The following EHMT1 variants were observed in gnomAD, a reference collection of about 807,000 sequenced individuals.
EHMT1 encodes the protein histone-lysine N-methyltransferase EHMT1.
In EHMT1, 15 loss-of-function variants were observed where a neutral mutation model predicts 147.2. That is an observed-to-expected ratio of 0.10 (90% CI 0.07 to 0.16). The LOEUF is 0.16. Among genes scored for constraint, EHMT1 ranks in the 10% least tolerant of loss-of-function variants. The probability of loss-of-function intolerance (pLI) is 1.00; values close to 1 mark genes in which losing one functional copy is unlikely to be tolerated. For synonymous variants in EHMT1, 795 were observed against 709.6 expected (o/e 1.12, Z -1.91); for missense variants, 1,587 against 1,772.4 (o/e 0.90, Z 1.88).
chr9:137,818,184 TA>T, intron 25 of EHMT1, 46 bp downstream of exon 25: 1 of 1,595,842 alleles, frequency 6.3e-7, no homozygotes, highest in Non-Finnish European at 8.6e-7. Context: ...TTGTGAACTG[TA>T]AAACCTGAAT....
intron 1 of EHMT1, among the ~76,000 whole-genome samples, chr9:137,675,930 C>A (rs1160908808): frequency 3.3e-5 from 5 of 150,164 alleles, no homozygotes; most frequent in African/African-American, 1.2e-4. Flanking sequence ...ACTACAGGCG[C>A]CCGCCACTAC....
At chr9:137,707,254 G>A (rs1944346807) in intron 1 of EHMT1, among the ~76,000 whole-genome samples, 1 of 152,220 alleles carries the variant, frequency 6.6e-6, no homozygotes, top group African/African-American at 2.4e-5. Context: ...GCCAGCCTGT[G>A]GTGCTTCAGC....
rs377070695 is a variant in EHMT1, at chr9:137,800,977, G to A, written c.2705G>A (p.Arg902Gln). 5.0e-5 allele frequency: 80 copies of A among 1,613,978 alleles called. No individual in the cohort carries two copies. In the African/African-American group the frequency reaches 8.4e-4, roughly 17 times the overall value. ...TCCAAGGGCTCTGACATCAACATCCGAGACAACGTAAGTTCGTCACACCCT... is the reference window on the plus strand; with the variant it reads ...TCCAAGGGCTCTGACATCAACATCCAAGACAACGTAAGTTCGTCACACCCT... ...LLSKGSDINI[R>Q]DNEENICLHW... Residue 902 changes from arginine to glutamine, a missense_variant, in exon 18 of 27, where the codon CGA becomes CAA. This residue lies in a region of EHMT1 where 201 missense variants were observed against 350.1 expected (regional missense o/e 0.57). Transcript: ENST00000460843.
intron 8 of EHMT1, 68 bp from the exon 9 acceptor site, chr9:137,757,812 C>T (rs1949494092): frequency 8.1e-6 from 13 of 1,608,394 alleles, no homozygotes; most frequent in Non-Finnish European, 1.0e-5. Context: ...GCCTTGCTGC[C>T]CTGTGCGTCT....
At chr9:137,668,754 T>C (rs1425698309) in intron 1 of EHMT1, among the ~76,000 whole-genome samples, 3 of 152,136 alleles carry the variant, frequency 2.0e-5, no homozygotes, top group Non-Finnish European at 2.9e-5. Context: ...TTGCTGTTAA[T>C]GGACAGTGCT....
rs1005705947 is a variant in EHMT1 at position 137,782,698 on chromosome 9, G to A, written c.2382+301G>A. 6.6e-6 allele frequency among the ~76,000 whole-genome samples: 1 copy of A among 152,168 alleles called. No homozygotes were observed. The highest frequency in any genetic ancestry group is 1.5e-5 in the Non-Finnish European group (1 of 68,024). The stretch of plus-strand genomic sequence containing the variant: ...CATGACGTCCCTCTGGGGGAGCCAA[G>A]CACTCGCAGAGGCACGGACGCCCCT... On this transcript the variant is annotated intron_variant, in intron 15 of 26. Coordinates refer to ENST00000460843, the MANE Select transcript of EHMT1 (RefSeq NM_024757.5). This position sits in a 1 kb window ranked among gnomAD's most constrained non-coding sequence, Gnocchi z 5.7.
chr9:137,802,899 G>T, intron 18 of EHMT1: 1 of 1,232,524 alleles, frequency 8.1e-7, no homozygotes, highest in East Asian at 3.1e-5. Flanking sequence ...CCGGCAGAAG[G>T]AAGAGAAGAG....
chr9:137,698,077 G>T (rs1487464732), intron 1 of EHMT1, among the ~76,000 whole-genome samples: 3 of 152,200 alleles, frequency 2.0e-5, no homozygotes, highest in Non-Finnish European at 4.4e-5. Context: ...GCTCGCGGAG[G>T]CCTCACTCCC....
chr9:137,688,787 G>A (rs978769031), intron 1 of EHMT1, among the ~76,000 whole-genome samples: 2 of 152,152 alleles, frequency 1.3e-5, no homozygotes, highest in East Asian at 1.9e-4. Context: ...CGTTCTCCTC[G>A]GTTGGTGTCA....
chr9:137,746,519 C>G (rs541833563), intron 6 of EHMT1: 72 of 152,338 alleles, frequency 4.7e-4, no homozygotes, highest in African/African-American at 1.6e-3. Flanking sequence ...AAACCTTTCT[C>G]ACTGTTGATT....
Position 137,689,763 on chromosome 9 carries a change from C to T in EHMT1, c.22-21204C>T, listed in dbSNP as rs534489445. 2.6e-5 allele frequency among the ~76,000 whole-genome samples: 4 copies of T among 152,274 alleles called. No individual in the cohort carries two copies. In the East Asian group the frequency reaches 7.7e-4, roughly 29 times the overall value. ...CATTTTTTTGGGTACCTGCGATTGT[C>T]ATTTGATGTGTGAATAAAGAGCTAA... On this transcript the variant is annotated intron_variant, in intron 1 of 26. Transcript: ENST00000460843.
chr9:137,778,203 G>C, intron 13 of EHMT1, 148 bp downstream of exon 13: 1 of 1,180,558 alleles, frequency 8.5e-7, no homozygotes, highest in Non-Finnish European at 1.2e-6. Flanking sequence ...ACACTATTTT[G>C]GGAAATTATT....
chr9:137,718,865 C>G (rs897460321), intron 3 of EHMT1, among the ~76,000 whole-genome samples: 1 of 151,284 alleles, frequency 6.6e-6, no homozygotes, highest in African/African-American at 2.4e-5. Flanking sequence ...AAGTGATTCT[C>G]ATGCTTCAGC....
chr9:137,784,155 T>G, intron 15 of EHMT1: 1 of 1,550,898 alleles, frequency 6.4e-7, no homozygotes, highest in Non-Finnish European at 8.7e-7. Flanking sequence ...TGGTGACTTA[T>G]GGTGAGGACC....
intron 22 of EHMT1, 101 bp downstream of exon 22, chr9:137,814,609 G>C: frequency 1.4e-6 from 2 of 1,382,984 alleles, no homozygotes; most frequent in Non-Finnish European, 2.0e-6. Flanking sequence ...TGTCGTGGCA[G>C]CGTCGGGAAG....
At position 137,717,059 on chromosome 9, in the gene EHMT1, C is replaced by A. The variant is rs767855452; in HGVS notation, c.519C>A (p.Ala173=). Residue 173 remains alanine, a synonymous_variant, in exon 3 of 27, where the codon GCC becomes GCA. Coordinates refer to ENST00000460843, the MANE Select transcript of EHMT1 (RefSeq NM_024757.5). ...CAAGCGCTTTTCCCCAGACGCCAGC[C>A]GCCCCACCAGCCACCCTTGGGGAGG... ...RTPSAFPQTP[A]APPATLGEGS... 4.4e-6 allele frequency: 7 copies of A among 1,607,358 alleles called. No individual in the cohort carries two copies. The highest frequency in any genetic ancestry group is 6.0e-6 in the Non-Finnish European group (7 of 1,176,120).
At position 137,776,993 on chromosome 9, in the gene EHMT1, T is replaced by C. The variant is rs1443958997; in HGVS notation, c.2018+149T>C. On this transcript the variant is annotated intron_variant, in intron 12 of 26. Transcript: ENST00000460843. The surrounding 1 kb of genome is among the most constrained non-coding windows in gnomAD (Gnocchi z 4.4). Reference sequence around the variant, plus strand: ...TGGTGATTTCTGACATTTAAGACTCTGAAATTCATTTATTGCCATTTGTGC... The same window carrying C: ...TGGTGATTTCTGACATTTAAGACTCCGAAATTCATTTATTGCCATTTGTGC... 1.1e-5 allele frequency: 8 copies of C among 754,076 alleles called. No homozygotes were observed. Among genetic ancestry groups the C allele is most frequent in the Non-Finnish European group, 1.7e-5 (8 of 466,836 alleles). 46.7% of individuals were successfully genotyped at this position (754,076 alleles called of 1,614,324 possible). A position where few individuals can be genotyped will look rare whatever the true frequency, so the allele number is the denominator to read the frequency against.
chr9:137,779,518 G>A (rs577367338), intron 13 of EHMT1, 117 bp from the exon 14 acceptor site: 568 of 1,058,592 alleles, frequency 5.4e-4, no homozygotes, highest in Non-Finnish European at 7.1e-4. Flanking sequence ...TGTGTGGGAC[G>A]CGGAGCCCCA....
At chr9:137,799,005 C>A in intron 17 of EHMT1, 91 bp downstream of exon 17, 1 of 1,089,870 alleles carries the variant, frequency 9.2e-7, no homozygotes. Context: ...CCCCATTCTC[C>A]ATGGCGTCCC....
Sources: allele counts gnomAD v4.1 joint callset (sites outside exome capture counted in the v4.1 genomes callset), GRCh38; gene constraint gnomAD v4.1.1; regional missense constraint gnomAD v4.1.1; non-coding constraint Gnocchi (gnomAD v3.1); transcripts MANE v1.5; gene names NCBI Gene and HGNC (gene_info 2026-07-23, HGNC 2026-07-21).